Variants in NT5C1A observed in about 807,000 individuals in gnomAD.
The protein encoded by NT5C1A is 5'-nucleotidase, cytosolic IA.
NT5C1A carries 18 observed loss-of-function variants against 31.0 expected under a neutral mutation model. That is an observed-to-expected ratio of 0.58 (90% CI 0.40 to 0.86). NT5C1A has a LOEUF of 0.86. NT5C1A is among the 40% of genes least tolerant of loss of function. The probability of loss-of-function intolerance (pLI) is 0.00; values close to 1 mark genes in which losing one functional copy is unlikely to be tolerated. For missense variants in NT5C1A, 470 were observed against 505.4 expected (o/e 0.93, Z 0.67); for synonymous variants, 185 against 203.6 (o/e 0.91, Z 0.78).
Position 39,664,280 on chromosome 1 carries a change from A to G in NT5C1A, c.434-846T>C, listed in dbSNP as rs962526634. On this transcript the variant is annotated intron_variant, in intron 3 of 5. Coordinates refer to ENST00000235628, the MANE Select transcript of NT5C1A (RefSeq NM_032526.3). ...GTCATTCTCCTGCCTCAGCCTCCCG[A>G]GTAGCTGGGACCACAGGCCCCACCA... Among the ~76,000 whole-genome samples the G allele has an allele frequency of 1.1e-4, 16 of 150,372 alleles. No homozygotes were observed. In the South Asian group the frequency reaches 1.1e-3, roughly 10 times the overall value.
At chr1:39,671,678 G>C (rs982326815) in intron 1 of NT5C1A, among the ~76,000 whole-genome samples, 2 of 152,178 alleles carry the variant, frequency 1.3e-5, no homozygotes, top group Non-Finnish European at 2.9e-5. Flanking sequence ...ATGACAGCAT[G>C]GGGGAGGGGG....
At chr1:39,664,490 C>CCTGTCTCGTCTCGTCTCGTCTCCTCTCCT in intron 3 of NT5C1A, among the ~76,000 whole-genome samples, 1 of 2,900 alleles carries the variant, frequency 3.4e-4, no homozygotes, top group East Asian at 7.8e-3. Context: ...GTGGATTTCT[C>CCTGTCTCGTCTCGTCTCGTCTCCTCTCCT]CTCCTCTCCT....
Position 39,655,568 on chromosome 1 carries a change from T to C in NT5C1A, c.*3553A>G, listed in dbSNP as rs1231073734. 6.6e-6 allele frequency among the ~76,000 whole-genome samples: 1 copy of C among 152,170 alleles called. No individual in the cohort carries two copies. The highest frequency in any genetic ancestry group is 2.4e-5 in the African/African-American group (1 of 41,448). ...GCTTCTCTGGCTATCTCCATGCATA[T>C]GTATGAGCAGTATGACAAAATGGTT... On this transcript the variant is annotated 3_prime_UTR_variant, in exon 6 of 6. Coordinates refer to ENST00000235628, the MANE Select transcript of NT5C1A (RefSeq NM_032526.3).
chr1:39,654,031 G>A lies in NT5C1A; in HGVS notation c.*5090C>T, dbSNP rs1457991368. On this transcript the variant is annotated 3_prime_UTR_variant, in exon 6 of 6. Coordinates refer to ENST00000235628, the MANE Select transcript of NT5C1A (RefSeq NM_032526.3). ...GATTCTGAGACCCAGTCTGGGCTTA[G>A]TGGAGAAGAGTATCATGATGGCATA... 6.6e-6 allele frequency among the ~76,000 whole-genome samples: 1 copy of A among 151,504 alleles called. No homozygotes were observed. Among genetic ancestry groups the A allele is most frequent in the African/African-American group, 2.5e-5 (1 of 40,766 alleles).
In NT5C1A at chr1:39,671,947, T is replaced by C. The variant is rs1192093487; in HGVS notation, c.92A>G (p.Lys31Arg). The change falls in exon 1 of 6, where the codon AAG (lysine) becomes AGG (arginine). Residue 31 changes from lysine to arginine, a missense_variant. Transcript: ENST00000235628. Reference protein sequence around the residue: ...TAAAPVWEEAKIFYDNLAPKK... With the variant: ...TAAAPVWEEARIFYDNLAPKK... ...GGGCGCGAGGTTGTCGTAGAAAATC[T>C]TGGCTTCCTCCCAGACCGGGGCCGC... 1.9e-6 allele frequency: 3 copies of C among 1,613,090 alleles called. No homozygotes were observed. Among genetic ancestry groups the C allele is most frequent in the African/African-American group, 1.3e-5 (1 of 74,914 alleles).
intron 5 of NT5C1A, among the ~76,000 whole-genome samples, chr1:39,659,809 AG>A (rs1052874962): frequency 3.3e-5 from 5 of 152,140 alleles, no homozygotes; most frequent in Admixed American, 3.3e-4. Flanking sequence ...GCCCATCAAC[AG>A]GGGGGATATT....
chr1:39,660,191 A>G (rs1260887602), intron 5 of NT5C1A, among the ~76,000 whole-genome samples: 3 of 151,942 alleles, frequency 2.0e-5, no homozygotes, highest in Non-Finnish European at 4.4e-5. Context: ...TAGTAGGAAA[A>G]CTCTCCTGCC....
At chr1:39,664,850 A>G (rs1390128163) in intron 3 of NT5C1A, among the ~76,000 whole-genome samples, 2 of 151,624 alleles carry the variant, frequency 1.3e-5, no homozygotes, top group Non-Finnish European at 2.9e-5. Context: ...CAGGGGAGAG[A>G]GGAAAAAAAA....
rs770862813 is a variant in NT5C1A at position 39,651,510 on chromosome 1, C to T, written c.*7611G>A. On this transcript the variant is annotated 3_prime_UTR_variant, in exon 6 of 6. Transcript: ENST00000235628. ...AAAGACGAAGAAACACATGCTCTAACCATTTACGGAGGCACTTAGGTTTAT... is the reference window on the plus strand; with the variant it reads ...AAAGACGAAGAAACACATGCTCTAATCATTTACGGAGGCACTTAGGTTTAT... 4.6e-5 allele frequency among the ~76,000 whole-genome samples: 7 copies of T among 152,174 alleles called. No individual in the cohort carries two copies. Among genetic ancestry groups the T allele is most frequent in the Non-Finnish European group, 8.8e-5 (6 of 68,016 alleles).
Position 39,654,084 on chromosome 1 carries a change from G to C in NT5C1A, c.*5037C>G, listed in dbSNP as rs1350847308. Among the ~76,000 whole-genome samples, 1 of 152,230 alleles carries C rather than the reference G, an allele frequency of 6.6e-6. No individual in the cohort carries two copies. The highest frequency in any genetic ancestry group is 1.5e-5 in the Non-Finnish European group (1 of 68,044). ...GACAGCAATGATGGCTGTAGATGGG[G>C]CGTCTTCCATACTGTCTGTTCTTGC... is the stretch of plus-strand genomic sequence containing the variant. On this transcript the variant is annotated 3_prime_UTR_variant, in exon 6 of 6. Transcript: ENST00000235628.
intron 1 of NT5C1A, among the ~76,000 whole-genome samples, chr1:39,669,240 G>A (rs1225338177): frequency 6.6e-6 from 1 of 152,160 alleles, no homozygotes; most frequent in Non-Finnish European, 1.5e-5. Flanking sequence ...GAATAACAGA[G>A]TGCAGCCCAC....
rs1159773729 is a variant in NT5C1A, at chr1:39,651,745, G to A, written c.*7376C>T. Among the ~76,000 whole-genome samples the A allele has an allele frequency of 2.0e-5, 3 of 151,986 alleles. No individual in the cohort carries two copies. Among genetic ancestry groups the A allele is most frequent in the Non-Finnish European group, 2.9e-5 (2 of 67,982 alleles). On this transcript the variant is annotated 3_prime_UTR_variant, in exon 6 of 6. Coordinates refer to ENST00000235628, the MANE Select transcript of NT5C1A (RefSeq NM_032526.3). ...CGCTATTACATTAATAAAGAAGTTC[G>A]TAGGCCGAGTGTGGTGGCTCACGCC...
At chr1:39,670,590 T>C (rs996623437) in intron 1 of NT5C1A, among the ~76,000 whole-genome samples, 19 of 152,162 alleles carry the variant, frequency 1.2e-4, no homozygotes, top group African/African-American at 3.4e-4. Context: ...GGAAGCTAGT[T>C]TGGAAATCCC....
rs4660340 is a variant in NT5C1A, at chr1:39,663,394, G to C, written c.474C>G (p.Ser158Arg). Residue 158 changes from serine to arginine, a missense_variant, in exon 4 of 6, where the codon AGC becomes AGG. Transcript: ENST00000235628. ...IERFCMTGGN[S>R]PICYLKAYHT... ...GATAGGCCTTGAGGTAGCAGATCGG[G>C]CTGTTCCCACCTGTCATGCAGAACC... The C allele has an allele frequency of 6.2e-7, 1 of 1,614,024 alleles. No individual in the cohort carries two copies. Among genetic ancestry groups the C allele is most frequent in the Non-Finnish European group, 8.5e-7 (1 of 1,179,962 alleles).
At position 39,671,902 on chromosome 1, in the gene NT5C1A, A is replaced by C. The variant is rs759128266; in HGVS notation, c.135+2T>G. ...CCCCGCATACCCGTGCATTGCTTTT[A>C]CCGATTTGGGTTTCTTCTTGGGCGC... On this transcript the variant is annotated splice_donor_variant, in intron 1 of 5. Transcript: ENST00000235628. LOFTEE classifies it high-confidence loss of function. The C allele has an allele frequency of 6.2e-7, 1 of 1,613,208 alleles. No individual in the cohort carries two copies.
At chr1:39,669,023 C>T (rs1046127369) in intron 1 of NT5C1A, among the ~76,000 whole-genome samples, 4 of 152,176 alleles carry the variant, frequency 2.6e-5, no homozygotes, top group Admixed American at 6.5e-5. Context: ...TGGGCCTGGC[C>T]GCAGAGGTGG....
intron 1 of NT5C1A, 78 bp downstream of exon 1, chr1:39,671,826 C>T: frequency 1.9e-6 from 3 of 1,558,114 alleles, no homozygotes; most frequent in Middle Eastern, 3.4e-4. Flanking sequence ...CGCCACGGGT[C>T]CCTTCCCAAG....
chr1:39,666,352 C>T (rs1419241903), intron 1 of NT5C1A, 116 bp from the exon 2 acceptor site: 9 of 956,996 alleles, frequency 9.4e-6, no homozygotes, highest in African/African-American at 6.5e-5. Flanking sequence ...CCAGTCTCTA[C>T]CTAAAGAGGC....
At position 39,659,338 on chromosome 1, in the gene NT5C1A, C is replaced by T. The variant is rs777598956; in HGVS notation, c.890G>A (p.Arg297His). ...SSGARALKTL[R>H]SWGLETDEAL... Reference sequence around the variant, plus strand: ...TTCATCTGTCTCCAGGCCCCAGCTGCGCAGGGTCTTGAGAGCCCGGGCCCC... The same window carrying T: ...TTCATCTGTCTCCAGGCCCCAGCTGTGCAGGGTCTTGAGAGCCCGGGCCCC... Residue 297 changes from arginine (R) to histidine (H), a missense_variant, in exon 6 of 6, where the codon CGC becomes CAC. By Grantham distance (29) the Arg-to-His change is conservative (BLOSUM62 0). Coordinates refer to ENST00000235628, the MANE Select transcript of NT5C1A (RefSeq NM_032526.3). 7 of 1,613,964 alleles carry T rather than the reference C, an allele frequency of 4.3e-6. No individual in the cohort carries two copies. The highest frequency in any genetic ancestry group is 2.2e-5 in the East Asian group (1 of 44,888).
Sources: allele counts gnomAD v4.1 joint callset (sites outside exome capture counted in the v4.1 genomes callset), GRCh38; gene constraint gnomAD v4.1.1; transcripts MANE v1.5; gene names NCBI Gene and HGNC (gene_info 2026-07-23, HGNC 2026-07-21).